PPP2R1B: variants seen among roughly 807,000 people sequenced by gnomAD.
PPP2R1B encodes protein phosphatase 2 scaffold subunit Abeta, also known as serine/threonine-protein phosphatase 2A 65 kDa regulatory subunit A beta isoform.
In PPP2R1B, 58 loss-of-function variants were observed where a neutral mutation model predicts 72.7. That is an observed-to-expected ratio of 0.80 (90% CI 0.65 to 0.99). The LOEUF is 0.99. PPP2R1B is among the 50% of genes least tolerant of loss of function. The pLI, the probability that PPP2R1B is intolerant of heterozygous loss-of-function variation, is 0.00. For missense variants in PPP2R1B, 695 were observed against 733.6 expected, an observed-to-expected ratio of 0.95 and a Z score of 0.61; for synonymous variants, 256 against 264.6, an observed-to-expected ratio of 0.97 and a Z score of 0.32.
rs782533692 is a variant in PPP2R1B, at chr11:111,766,347, T to C, written c.15A>G (p.Ser5=). Residue 5 remains serine (S), a synonymous_variant, in exon 1 of 15, where the codon TCA becomes TCG. Coordinates refer to ENST00000527614, the MANE Select transcript of PPP2R1B (RefSeq NM_002716.5). MAGA[S]ELGTGPGAAG... is the part of the protein sequence containing the mutation. Reference sequence around the variant, plus strand: ...CTGCTCCTGGGCCGGTCCCGAGCTCTGATGCGCCCGCCATGTTCTTTCTCC... The same window carrying C: ...CTGCTCCTGGGCCGGTCCCGAGCTCCGATGCGCCCGCCATGTTCTTTCTCC... 8.1e-6 allele frequency: 12 copies of C among 1,480,108 alleles called. No individual in the cohort carries two copies. The highest frequency in any genetic ancestry group is 6.0e-5 in the Admixed American group (3 of 50,088). 91.7% of individuals were successfully genotyped at this position (1,480,108 alleles called of 1,614,324 possible).
chr11:111,701,283 C>T, the PPP2R1B span, among the ~76,000 whole-genome samples: 5 of 151,992 alleles, frequency 3.3e-5, no homozygotes, highest in East Asian at 9.6e-4. The surrounding 1 kb of genome is among the most constrained non-coding windows in gnomAD (Gnocchi z 4.2). Flanking sequence ...TTATAAGATA[C>T]TTATTGTAGT....
At chr11:111,751,192 T>C (rs1329449662) in intron 10 of PPP2R1B, among the ~76,000 whole-genome samples, 1 of 152,128 alleles carries the variant, frequency 6.6e-6, no homozygotes, top group Non-Finnish European at 1.5e-5. Context: ...AATCAGAATG[T>C]AGGGCAAGTG....
Position 111,760,851 on chromosome 11 carries a change from C to T in PPP2R1B, c.507G>A (p.Arg169=). ...TTTCTGCTTTAACAGCATTTGATGC[C>T]CTGGGATAGCAAACGCTGAACAAAC... is the stretch of plus-strand genomic sequence containing the variant. ...ACGLFSVCYP[R]ASNAVKAEIR... Residue 169 remains arginine (R), a synonymous_variant, in exon 4 of 15, where the codon AGG becomes AGA. Transcript: ENST00000527614. 2 of 1,614,092 alleles carry T rather than the reference C, an allele frequency of 1.2e-6. No individual in the cohort carries two copies. Among genetic ancestry groups the T allele is most frequent in the Middle Eastern group, 3.3e-4 (2 of 6,062 alleles).
the PPP2R1B span, among the ~76,000 whole-genome samples, chr11:111,715,281 C>G: frequency 6.6e-6 from 1 of 152,118 alleles, no homozygotes; most frequent in African/African-American, 2.4e-5. Flanking sequence ...TCCCTAAGAC[C>G]TCTTTCTTGG....
At chr11:111,717,989 T>C in the PPP2R1B span, among the ~76,000 whole-genome samples, 1 of 152,038 alleles carries the variant, frequency 6.6e-6, no homozygotes, top group African/African-American at 2.4e-5. Context: ...AGGTGATAGG[T>C]TGACAGGTGC....
intron 11 of PPP2R1B, among the ~76,000 whole-genome samples, chr11:111,745,359 ATTTT>A (rs373999713): frequency 6.6e-6 from 1 of 151,788 alleles, no homozygotes; most frequent in Non-Finnish European, 1.5e-5. Context: ...GCAAATTACT[ATTTT>A]TTTTAACACG....
intron 15 of PPP2R1B, chr11:111,727,130 T>A: frequency 7.4e-7 from 1 of 1,346,188 alleles, no homozygotes; most frequent in Non-Finnish European, 1.1e-6. Context: ...ACACTGACCG[T>A]CCCCAGCTGC....
At chr11:111,746,526 T>C (rs1944710898) in intron 11 of PPP2R1B, among the ~76,000 whole-genome samples, 1 of 152,122 alleles carries the variant, frequency 6.6e-6, no homozygotes, top group African/African-American at 2.4e-5. Flanking sequence ...CTAATGCATG[T>C]GGGGCTTAAA....
chr11:111,741,000 T>C lies in PPP2R1B; in HGVS notation c.*596A>G, dbSNP rs978405257. The C allele has an allele frequency of 1.3e-5, 13 of 985,464 alleles. No homozygotes were observed. The African/African-American group carries it at 1.4e-4, about 11-fold the overall frequency. The allele number at this position is 985,464 out of a possible 1,614,324, so 61.0% of individuals were successfully genotyped here. ...CTGAATGACATGAGTACAGACAAAA[T>C]TGAGCAAATAAAAACCAAAACAACC... On this transcript the variant is annotated 3_prime_UTR_variant, in exon 15 of 15. Coordinates refer to ENST00000527614, the MANE Select transcript of PPP2R1B (RefSeq NM_002716.5).
the PPP2R1B span, chr11:111,720,143 T>C: frequency 1.2e-6 from 1 of 859,248 alleles, no homozygotes; most frequent in South Asian, 1.6e-5. Flanking sequence ...TCAGCAGGTA[T>C]AGCAGACACA....
Position 111,753,383 on chromosome 11 carries a change from A to G in PPP2R1B, c.1164+60T>C. 3 of 1,566,860 alleles carry G rather than the reference A, an allele frequency of 1.9e-6. No homozygotes were observed. In the Admixed American group the frequency reaches 6.1e-5, roughly 32 times the overall value. On this transcript the variant is annotated intron_variant, in intron 9 of 14. Transcript: ENST00000527614. ...GGGTTCTATTTTAATGAAACCCTAA[A>G]CCAAAATCAAATAAAATCAAATTAC...
At chr11:111,735,177 G>C (rs1944303224), downstream of PPP2R1B, 1 of 152,428 alleles carries the variant, frequency 6.6e-6, no homozygotes, top group South Asian at 2.1e-4. Flanking sequence ...GTGTGTACAG[G>C]ACAGACTGTG....
chr11:111,706,727 T>C, the PPP2R1B span, among the ~76,000 whole-genome samples: 1 of 152,052 alleles, frequency 6.6e-6, no homozygotes, highest in Non-Finnish European at 1.5e-5. Flanking sequence ...TTTGGGAGGC[T>C]GAGGTGGGTG....
the PPP2R1B span, among the ~76,000 whole-genome samples, chr11:111,713,086 G>A: frequency 6.6e-6 from 1 of 152,140 alleles, no homozygotes; most frequent in Non-Finnish European, 1.5e-5. Context: ...AATGTCTTGA[G>A]CCCAGGGGGC....
the PPP2R1B span, among the ~76,000 whole-genome samples, chr11:111,716,659 G>A: frequency 9.9e-5 from 15 of 152,110 alleles, no homozygotes; most frequent in Non-Finnish European, 1.3e-4. Context: ...GGATAAAATC[G>A]AACTCAGCAA....
At position 111,759,854 on chromosome 11, in the gene PPP2R1B, C is replaced by G. The variant is rs1555050719; in HGVS notation, c.637G>C (p.Val213Leu). 3.1e-6 allele frequency: 5 copies of G among 1,614,104 alleles called. No individual in the cohort carries two copies. Among genetic ancestry groups the G allele is most frequent in the Non-Finnish European group, 4.2e-6 (5 of 1,179,982 alleles). ...EFAKVLELDSVKSEIVPLFTS... is the reference protein window; with the variant it reads ...EFAKVLELDSLKSEIVPLFTS... ...AACAGTGGAACAATTTCACTTTTCACACTGTCTAATTCCAAAACTTTTGCA... is the reference window on the plus strand; with the variant it reads ...AACAGTGGAACAATTTCACTTTTCAGACTGTCTAATTCCAAAACTTTTGCA... The change falls in exon 5 of 15, where the codon GTG (valine) becomes CTG (leucine). Residue 213 changes from valine to leucine, a missense_variant. By Grantham distance (32) the Val-to-Leu change is conservative. Transcript: ENST00000527614.
rs1350835013 is a variant in PPP2R1B at position 111,743,364 on chromosome 11, T to C, written c.1554+12A>G. 7 of 1,594,586 alleles carry C rather than the reference T, an allele frequency of 4.4e-6. No individual in the cohort carries two copies. The South Asian group carries it at 4.5e-5, about 10-fold the overall frequency. On this transcript the variant is annotated intron_variant, in intron 12 of 14. Transcript: ENST00000527614. ...TGATTAAGCTTAGCAATAACAGTTA[T>C]GTTATACTTACATTAATGCAGAATA... is the stretch of plus-strand genomic sequence containing the variant.
chr11:111,688,090 C>G, the PPP2R1B span: 3 of 1,614,072 alleles, frequency 1.9e-6, no homozygotes, highest in Non-Finnish European at 2.5e-6. The surrounding 1 kb of genome is among the most constrained non-coding windows in gnomAD (Gnocchi z 4.2). Context: ...TTGTCATGGT[C>G]GGAAGATTGT....
chr11:111,749,323 G>A (rs746199460), intron 10 of PPP2R1B, among the ~76,000 whole-genome samples: 9 of 151,646 alleles, frequency 5.9e-5, no homozygotes, highest in Non-Finnish European at 1.0e-4. Flanking sequence ...TCTCTCTGTC[G>A]CCCAGGCTGG....
Sources: gnomAD v4.1 joint callset for allele counts (sites outside exome capture counted in the v4.1 genomes callset) on GRCh38, gnomAD v4.1.1 for gene constraint, Gnocchi (gnomAD v3.1) non-coding constraint, MANE v1.5 for transcripts, NCBI Gene and HGNC (gene_info 2026-07-23, HGNC 2026-07-21) for gene names.